The following ATP11A variants were observed in gnomAD, a reference collection of about 807,000 sequenced individuals.
ATP11A encodes ATPase phospholipid transporting 11A, also known as phospholipid-transporting ATPase IH.
ATP11A carries 81 observed loss-of-function variants against 154.4 expected under a neutral mutation model. That is an observed-to-expected ratio of 0.52 (90% CI 0.44 to 0.63). The LOEUF is 0.63. ATP11A is among the 30% of genes least tolerant of loss of function. ATP11A has a pLI of 0.00. For synonymous variants in ATP11A, 623 were observed against 585.9 expected (o/e 1.06, Z -0.91); for missense variants, 1,316 against 1,474.3 (o/e 0.89, Z 1.76).
At chr13:112,694,891 G>A (rs770597876) in intron 1 of ATP11A, among the ~76,000 whole-genome samples, 1 of 152,132 alleles carries the variant, frequency 6.6e-6, no homozygotes, top group Non-Finnish European at 1.5e-5. Context: ...AGAACTTGAA[G>A]CAGTGCTATA....
rs183248015 is a variant in ATP11A at position 112,774,019 on chromosome 13, G to C, written c.40-11116G>C. ...CCTCAGCTCCTCAAACACAGTGCCC[G>C]CTGCCTCCCTGCTTCCCGTCCACCT... On this transcript the variant is annotated intron_variant, in intron 1 of 29. Transcript: ENST00000375645. Among the ~76,000 whole-genome samples, 842 of 152,316 alleles carry C rather than the reference G, an allele frequency of 5.5e-3. 7 individuals are homozygous for C. Among genetic ancestry groups the C allele is most frequent in the African/African-American group, 0.018 (759 of 41,572 alleles).
intron 1 of ATP11A, among the ~76,000 whole-genome samples, chr13:112,705,405 G>T (rs913141540): frequency 1.5e-5 from 2 of 136,282 alleles, no homozygotes; most frequent in African/African-American, 7.6e-5. Flanking sequence ...TGTTCATCCC[G>T]CACGCACTGA....
At chr13:112,725,960 C>T (rs1444663467) in intron 1 of ATP11A, among the ~76,000 whole-genome samples, 2 of 152,224 alleles carry the variant, frequency 1.3e-5, no homozygotes, top group African/African-American at 4.8e-5. Flanking sequence ...GGGCGGGAAG[C>T]GGTGGCCCTG....
chr13:112,747,262 G>C (rs1428694769), intron 1 of ATP11A: 2 of 152,220 alleles, frequency 1.3e-5, no homozygotes, highest in African/African-American at 4.8e-5. Flanking sequence ...GAGCGTAAGG[G>C]AAGGGACTGT....
At chr13:112,814,388 T>C (rs75317156) in intron 5 of ATP11A, among the ~76,000 whole-genome samples, 105 of 152,120 alleles carry the variant, frequency 6.9e-4, no homozygotes, top group African/African-American at 2.5e-3. Flanking sequence ...TTTTGAGGAC[T>C]GTACGTTCAG....
At chr13:112,767,639 GT>G (rs1566451744) in intron 1 of ATP11A, among the ~76,000 whole-genome samples, 2 of 151,176 alleles carry the variant, frequency 1.3e-5, no homozygotes, top group Non-Finnish European at 2.9e-5. Context: ...TGAAAGGGGT[GT>G]GTGACTCTTT....
Position 112,807,257 on chromosome 13 carries a change from G to T in ATP11A, c.333+964G>T, listed in dbSNP as rs2078349004. 6.6e-6 allele frequency among the ~76,000 whole-genome samples: 1 copy of T among 152,260 alleles called. No individual in the cohort carries two copies. The highest frequency in any genetic ancestry group is 2.1e-4 in the South Asian group (1 of 4,838). On this transcript the variant is annotated intron_variant, in intron 4 of 29. Transcript: ENST00000375645. This position sits in a 1 kb window ranked among gnomAD's most constrained non-coding sequence, Gnocchi z 4.5. ...CAGAGATGGGGACACACAGGGTCCA[G>T]TGCAGATGATAAACATGCAGCTGTG...
chr13:112,819,767 C>T (rs1457382519), intron 7 of ATP11A, 133 bp from the exon 8 acceptor site: 14 of 859,856 alleles, frequency 1.6e-5, no homozygotes, highest in African/African-American at 3.3e-5. Flanking sequence ...GGGGCTGGAG[C>T]GGGGCTGCTT....
intron 5 of ATP11A, among the ~76,000 whole-genome samples, chr13:112,813,308 G>T (rs1269913258): frequency 3.3e-5 from 5 of 152,198 alleles, no homozygotes; most frequent in African/African-American, 1.2e-4. Context: ...TTGCTCGGAT[G>T]TGCTGCCCAG....
intron 8 of ATP11A, among the ~76,000 whole-genome samples, chr13:112,822,136 A>G (rs961880806): frequency 6.6e-6 from 1 of 152,264 alleles, no homozygotes; most frequent in Non-Finnish European, 1.5e-5. Flanking sequence ...TGATAAATGA[A>G]AAGCAAACTT....
chr13:112,749,221 CTG>C (rs1358919309), intron 1 of ATP11A, among the ~76,000 whole-genome samples: 1 of 152,244 alleles, frequency 6.6e-6, no homozygotes, highest in African/African-American at 2.4e-5. Context: ...CCGCCAGGCT[CTG>C]TGCCCAACTC....
chr13:112,710,150 G>C (rs553115581), intron 1 of ATP11A, among the ~76,000 whole-genome samples: 1 of 152,264 alleles, frequency 6.6e-6, no homozygotes, highest in Non-Finnish European at 1.5e-5. Flanking sequence ...GGCTGCAGTC[G>C]GGAATCACGA....
rs80179985 is a variant in ATP11A, at chr13:112,856,124, G to A, written c.2418+39G>A. On this transcript the variant is annotated intron_variant, in intron 20 of 29. Coordinates refer to ENST00000375645, the MANE Select transcript of ATP11A (RefSeq NM_015205.3). ...GTCCTCGATAGCTGGTGGTCAGGGC[G>A]TCCAAAACACTGAAAACCTTCCGTT... is the stretch of plus-strand genomic sequence containing the variant. 2,406 of 1,581,684 alleles carry A rather than the reference G, an allele frequency of 1.5e-3. 35 individuals are homozygous for A. In the African/African-American group the frequency reaches 0.029, roughly 19 times the overall value.
chr13:112,881,315 A>T (rs1001437897), intron 29 of ATP11A: 2 of 1,003,872 alleles, frequency 2.0e-6, no homozygotes, highest in African/African-American at 3.5e-5. Context: ...GTATGGTGAC[A>T]TCCTAGGCAA....
At chr13:112,735,912 A>T (rs1417341361) in intron 1 of ATP11A, among the ~76,000 whole-genome samples, 2 of 152,170 alleles carry the variant, frequency 1.3e-5, no homozygotes, top group East Asian at 3.8e-4. Context: ...GTGCTCCTCC[A>T]TGCCTCCGTG....
intron 1 of ATP11A, among the ~76,000 whole-genome samples, chr13:112,714,757 G>C (rs1257739526): frequency 6.6e-6 from 1 of 151,644 alleles, no homozygotes; most frequent in African/African-American, 2.4e-5. Context: ...TGAGGCCACT[G>C]TGGATCAGGC....
At chr13:112,713,546 A>G (rs1489516353) in intron 1 of ATP11A, among the ~76,000 whole-genome samples, 1 of 152,226 alleles carries the variant, frequency 6.6e-6, no homozygotes, top group Admixed American at 6.5e-5. Flanking sequence ...TAAGTGACAG[A>G]TAGTTTTGTA....
chr13:112,810,818 C>T, intron 5 of ATP11A, 92 bp downstream of exon 5: 1 of 1,083,826 alleles, frequency 9.2e-7, no homozygotes, highest in South Asian at 1.4e-5. Flanking sequence ...CGCCTCCAGT[C>T]CCAGCTACTC....
At chr13:112,759,431 TC>T (rs762792181) in intron 1 of ATP11A, among the ~76,000 whole-genome samples, 3 of 152,228 alleles carry the variant, frequency 2.0e-5, no homozygotes, top group Non-Finnish European at 4.4e-5. Context: ...TCTGAAGACT[TC>T]CTAACCTGCG....
Sources: gnomAD v4.1 joint callset for allele counts (sites outside exome capture counted in the v4.1 genomes callset) on GRCh38, gnomAD v4.1.1 for gene constraint, Gnocchi (gnomAD v3.1) non-coding constraint, MANE v1.5 for transcripts, NCBI Gene and HGNC (gene_info 2026-07-23, HGNC 2026-07-21) for gene names.